The following SH3PXD2A variants were observed in gnomAD, a reference collection of about 807,000 sequenced individuals.
The protein encoded by SH3PXD2A is SH3 and PX domains 2A, also known as SH3 and PX domain-containing protein 2A.
SH3PXD2A carries 32 observed loss-of-function variants against 115.2 expected under a neutral mutation model. The observed-to-expected ratio is 0.28, with a 90% CI of 0.21 to 0.37. The LOEUF (loss-of-function observed/expected upper bound fraction) is 0.37. Ranked by LOEUF, SH3PXD2A falls within the 10% of genes least tolerant of loss-of-function variation. The pLI, the probability that SH3PXD2A is intolerant of heterozygous loss-of-function variation, is 1.00. For missense variants in SH3PXD2A, 1,328 were observed against 1,498.7 expected, an observed-to-expected ratio of 0.89 and a Z score of 1.88; for synonymous variants, 610 against 629.1, an observed-to-expected ratio of 0.97 and a Z score of 0.45.
chr10:103,776,438 G>C (rs1475715058), intron 2 of SH3PXD2A, among the ~76,000 whole-genome samples: 1 of 101,830 alleles, frequency 9.8e-6, no homozygotes, highest in Non-Finnish European at 2.1e-5. Context: ...GTGTGTGTCT[G>C]TGTGTGTGTG....
chr10:103,821,964 C>T (rs1032395580), intron 1 of SH3PXD2A, among the ~76,000 whole-genome samples: 46 of 151,850 alleles, frequency 3.0e-4, no homozygotes, highest in African/African-American at 1.1e-3. Context: ...AGTGCAGTGG[C>T]ACGATCTTGG....
At chr10:103,654,969 C>T (rs1309801440) in intron 8 of SH3PXD2A, among the ~76,000 whole-genome samples, 1 of 33,846 alleles carries the variant, frequency 3.0e-5, no homozygotes, top group African/African-American at 1.3e-4. Flanking sequence ...TGGAAGGGCC[C>T]AAGACTGGGC....
At position 103,855,186 on chromosome 10, in the gene SH3PXD2A, T is replaced by C; in HGVS notation, c.72+9A>G. Reference sequence around the variant, plus strand: ...CACCCCCAGCAGGGTCGGCGGGGGCTGTACTCACGTAGTGCTTGGAGGGGT... The same window carrying C: ...CACCCCCAGCAGGGTCGGCGGGGGCCGTACTCACGTAGTGCTTGGAGGGGT... On this transcript the variant is annotated intron_variant, in intron 1 of 14. Coordinates refer to ENST00000369774, the MANE Select transcript of SH3PXD2A (RefSeq NM_001394015.1). 1 of 1,528,050 alleles carries C rather than the reference T, an allele frequency of 6.5e-7. No individual in the cohort carries two copies. Among genetic ancestry groups the C allele is most frequent in the Non-Finnish European group, 8.8e-7 (1 of 1,134,950 alleles). 94.7% of individuals were successfully genotyped at this position (1,528,050 alleles called of 1,614,324 possible). A position where few individuals can be genotyped will look rare whatever the true frequency, so the allele number is the denominator to read the frequency against.
At chr10:103,815,591 A>G (rs1433172620) in intron 1 of SH3PXD2A, among the ~76,000 whole-genome samples, 1 of 151,910 alleles carries the variant, frequency 6.6e-6, no homozygotes, top group Non-Finnish European at 1.5e-5. Flanking sequence ...TAAGCCAGAT[A>G]CAGAAAGAAA....
chr10:103,796,926 A>G (rs756334157), intron 2 of SH3PXD2A, among the ~76,000 whole-genome samples: 5 of 148,272 alleles, frequency 3.4e-5, no homozygotes, highest in Non-Finnish European at 5.9e-5. Flanking sequence ...CAGTGGCGCA[A>G]TCACAGCTCA....
intron 5 of SH3PXD2A, among the ~76,000 whole-genome samples, chr10:103,694,436 C>T (rs1223723533): frequency 6.6e-6 from 1 of 152,126 alleles, no homozygotes; most frequent in Non-Finnish European, 1.5e-5. Flanking sequence ...TATTAATCTC[C>T]AAGGTGATTT....
At chr10:103,680,108 T>A (rs573979677) in intron 6 of SH3PXD2A, among the ~76,000 whole-genome samples, 43 of 151,768 alleles carry the variant, frequency 2.8e-4, no homozygotes, top group Non-Finnish European at 2.2e-4. Flanking sequence ...GCCTCCTGAG[T>A]AACTGGGATT....
chr10:103,757,750 G>A (rs891540646), intron 3 of SH3PXD2A, among the ~76,000 whole-genome samples: 1 of 152,196 alleles, frequency 6.6e-6, no homozygotes, highest in Admixed American at 6.5e-5. Context: ...TGTGATCAGA[G>A]GCCGGATCCC....
In SH3PXD2A at chr10:103,595,786, T is replaced by C. The variant is rs2036124402; in HGVS notation, c.*6030A>G. ...GGATTGCATGCTAATCCCAACCTTATAGGCAGGCTGGGATCAAGACCTTGG... is the reference window on the plus strand; with the variant it reads ...GGATTGCATGCTAATCCCAACCTTACAGGCAGGCTGGGATCAAGACCTTGG... On this transcript the variant is annotated 3_prime_UTR_variant, in exon 15 of 15. Transcript: ENST00000369774. The C allele has an allele frequency of 6.6e-6, 1 of 152,666 alleles. No homozygotes were observed. The highest frequency in any genetic ancestry group is 2.4e-5 in the African/African-American group (1 of 41,464). The allele number at this position is 152,666 out of a possible 1,614,324, so 9.5% of individuals were successfully genotyped here.
chr10:103,641,018 A>G (rs1319343255), intron 8 of SH3PXD2A, among the ~76,000 whole-genome samples: 5 of 152,068 alleles, frequency 3.3e-5, no homozygotes, highest in African/African-American at 7.2e-5. Flanking sequence ...GTTTTAATCA[A>G]CCCAGGATGA....
At chr10:103,823,875 G>A (rs535940046) in intron 1 of SH3PXD2A, among the ~76,000 whole-genome samples, 104 of 152,306 alleles carry the variant, frequency 6.8e-4, no homozygotes, top group Non-Finnish European at 1.1e-3. Context: ...GGCTTCAGCT[G>A]GGACAGCCAT....
chr10:103,799,311 G>A (rs1457378839), intron 2 of SH3PXD2A, among the ~76,000 whole-genome samples: 4 of 152,190 alleles, frequency 2.6e-5, no homozygotes, highest in Non-Finnish European at 4.4e-5. Context: ...CAAAATGAAC[G>A]CCACTAAAAC....
At chr10:103,613,280 T>A in intron 11 of SH3PXD2A, 90 bp from the exon 12 acceptor site, 1 of 992,446 alleles carries the variant, frequency 1.0e-6, no homozygotes, top group Non-Finnish European at 1.5e-6. Context: ...CCTTGCCCAG[T>A]GGAGCCTTCC....
intron 2 of SH3PXD2A, among the ~76,000 whole-genome samples, chr10:103,782,068 A>G (rs1446835016): frequency 6.6e-6 from 1 of 152,194 alleles, no homozygotes; most frequent in Non-Finnish European, 1.5e-5. Context: ...AGTTCACCAG[A>G]TCAGATCCCC....
rs1203366073 is a variant in SH3PXD2A, at chr10:103,681,087, A to G, written c.427+11941T>C. ...GTGGGAAACATTTCTTTGCTGGACC[A>G]CAATTTGGGTATTTCCTCCCCCAGC... On this transcript the variant is annotated intron_variant, in intron 6 of 14. Transcript: ENST00000369774. 2.0e-5 allele frequency among the ~76,000 whole-genome samples: 3 copies of G among 152,226 alleles called. No individual in the cohort carries two copies. The East Asian group carries it at 5.8e-4, about 29-fold the overall frequency.
intron 2 of SH3PXD2A, among the ~76,000 whole-genome samples, chr10:103,769,009 G>A (rs11191799): frequency 0.21 from 31,745 of 151,806 alleles, 3,756 homozygotes; most frequent in African/African-American, 0.3. Context: ...AACTATTCAT[G>A]AGGGATCAGC....
intron 4 of SH3PXD2A, among the ~76,000 whole-genome samples, chr10:103,726,678 T>C (rs1331205298): frequency 6.6e-6 from 1 of 152,228 alleles, no homozygotes; most frequent in Non-Finnish European, 1.5e-5. Flanking sequence ...AAAACCCACA[T>C]ATAATCTTAG....
chr10:103,855,327 C>A lies in SH3PXD2A; in HGVS notation c.-61G>T. 1.5e-6 allele frequency: 2 copies of A among 1,360,624 alleles called. No homozygotes were observed. Among genetic ancestry groups the A allele is most frequent in the Non-Finnish European group, 2.0e-6 (2 of 1,005,970 alleles). 84.3% of individuals were successfully genotyped at this position (1,360,624 alleles called of 1,614,324 possible). A position where few individuals can be genotyped will look rare whatever the true frequency, so the allele number is the denominator to read the frequency against. ...TCACCTTCTCATCCCGGCCGGGCTC[C>A]GGCTCCTTCTCCAGCTGCCGGGGTC... On this transcript the variant is annotated 5_prime_UTR_variant, in exon 1 of 15. Transcript: ENST00000369774.
intron 3 of SH3PXD2A, among the ~76,000 whole-genome samples, chr10:103,758,530 T>C (rs1225452149): frequency 6.6e-6 from 1 of 152,240 alleles, no homozygotes; most frequent in Non-Finnish European, 1.5e-5. Context: ...CAGGCCTACT[T>C]TGTTCTCAGT....
Sources: allele counts gnomAD v4.1 joint callset (sites outside exome capture counted in the v4.1 genomes callset), GRCh38; gene constraint gnomAD v4.1.1; transcripts MANE v1.5; gene names NCBI Gene and HGNC (gene_info 2026-07-23, HGNC 2026-07-21).